Variants in JARID2 observed in about 807,000 individuals in gnomAD.
The protein encoded by JARID2 is jumonji and AT-rich interaction domain containing 2.
A neutral mutation model predicts 125.6 loss-of-function variants in JARID2; 21 were observed. The ratio of observed to expected loss-of-function variants is 0.17; its 90% CI spans 0.12 to 0.24. The LOEUF (loss-of-function observed/expected upper bound fraction) is 0.24. Ranked by LOEUF, JARID2 falls within the 10% of genes least tolerant of loss-of-function variation. The probability of loss-of-function intolerance (pLI) is 1.00; values close to 1 mark genes in which losing one functional copy is unlikely to be tolerated. For synonymous variants in JARID2, 736 were observed against 661.6 expected, an observed-to-expected ratio of 1.11 and a Z score of -1.73; for missense variants, 1,303 against 1,639.6, an observed-to-expected ratio of 0.79 and a Z score of 3.55.
At chr6:15,417,974 G>A (rs957438688) in intron 3 of JARID2, among the ~76,000 whole-genome samples, 3 of 152,110 alleles carry the variant, frequency 2.0e-5, no homozygotes, top group Admixed American at 6.6e-5. Flanking sequence ...GTAGGCAGAT[G>A]GAAATGTATG....
At chr6:15,321,832 G>A (rs918282181) in intron 1 of JARID2, among the ~76,000 whole-genome samples, 14 of 108,322 alleles carry the variant, frequency 1.3e-4, no homozygotes, top group Admixed American at 5.8e-4. Flanking sequence ...TCACTTTGTC[G>A]CCCAGGTTGG....
intron 1 of JARID2, chr6:15,369,439 A>G: frequency 3.2e-6 from 1 of 313,596 alleles, no homozygotes; most frequent in Non-Finnish European, 6.7e-6. Flanking sequence ...TCTCCTCTAA[A>G]GGGCGTATTC....
At chr6:15,381,334 C>G (rs1764577379) in intron 2 of JARID2, among the ~76,000 whole-genome samples, 1 of 122,456 alleles carries the variant, frequency 8.2e-6, no homozygotes, top group South Asian at 2.9e-4. Context: ...GAGGGAGACT[C>G]CTGTCTCAAA....
At chr6:15,282,632 T>G (rs1262677493) in intron 1 of JARID2, among the ~76,000 whole-genome samples, 1 of 152,044 alleles carries the variant, frequency 6.6e-6, no homozygotes, top group Admixed American at 6.6e-5. Context: ...TTTCCTCAGT[T>G]TCGCTCTTGT....
At chr6:15,310,435 A>G (rs868772336) in intron 1 of JARID2, among the ~76,000 whole-genome samples, 8 of 152,228 alleles carry the variant, frequency 5.3e-5, no homozygotes, top group African/African-American at 1.7e-4. Context: ...TACTCCAACC[A>G]TAACAGAAAT....
At chr6:15,476,631 T>C (rs1024415974) in intron 5 of JARID2, among the ~76,000 whole-genome samples, 2 of 152,216 alleles carry the variant, frequency 1.3e-5, no homozygotes, top group Non-Finnish European at 2.9e-5. Flanking sequence ...CACATGAGCT[T>C]TTAACCTTGG....
intron 16 of JARID2, among the ~76,000 whole-genome samples, chr6:15,514,196 G>A (rs570761391): frequency 6.6e-6 from 1 of 152,228 alleles, no homozygotes; most frequent in Non-Finnish European, 1.5e-5. Flanking sequence ...GCTTCTTCCA[G>A]TCTCCCCTTG....
At chr6:15,466,039 G>A (rs1768715590) in intron 4 of JARID2, among the ~76,000 whole-genome samples, 1 of 152,136 alleles carries the variant, frequency 6.6e-6, no homozygotes, top group Non-Finnish European at 1.5e-5. Flanking sequence ...CCTGACCTCA[G>A]GTGCACCACC....
At chr6:15,338,630 A>G (rs2127465195) in intron 1 of JARID2, among the ~76,000 whole-genome samples, 1 of 152,208 alleles carries the variant, frequency 6.6e-6, no homozygotes, top group East Asian at 1.9e-4. Context: ...CCAGGAAAGT[A>G]AAGAGGCACT....
intron 8 of JARID2, among the ~76,000 whole-genome samples, chr6:15,503,504 T>C (rs970285637): frequency 6.6e-6 from 1 of 152,152 alleles, no homozygotes; most frequent in African/African-American, 2.4e-5. Flanking sequence ...CGGTGTCCAG[T>C]GCTCCGCAGG....
chr6:15,339,826 T>C (rs1431458282), intron 1 of JARID2, among the ~76,000 whole-genome samples: 2 of 152,182 alleles, frequency 1.3e-5, no homozygotes, highest in Admixed American at 1.3e-4. Context: ...TGAGCCACCA[T>C]GCCTGGCCCA....
At chr6:15,450,744 A>G (rs1019726725) in intron 3 of JARID2, among the ~76,000 whole-genome samples, 2 of 152,250 alleles carry the variant, frequency 1.3e-5, no homozygotes, top group Non-Finnish European at 2.9e-5. Flanking sequence ...AGGAGGGACT[A>G]TTAGGCAATT....
chr6:15,403,434 CTAG>C (rs1398298786), intron 2 of JARID2, among the ~76,000 whole-genome samples: 3 of 152,138 alleles, frequency 2.0e-5, no homozygotes, highest in African/African-American at 7.2e-5. Flanking sequence ...GGGGCCCATT[CTAG>C]TAGTAGCAGT....
chr6:15,272,573 A>T (rs1052587404), intron 1 of JARID2, among the ~76,000 whole-genome samples: 1 of 152,154 alleles, frequency 6.6e-6, no homozygotes, highest in South Asian at 2.1e-4. Flanking sequence ...ATTTCCCCCA[A>T]ATTGCAGCTG....
intron 3 of JARID2, among the ~76,000 whole-genome samples, chr6:15,428,131 C>G (rs1433019404): frequency 6.6e-6 from 1 of 151,936 alleles, no homozygotes; most frequent in Non-Finnish European, 1.5e-5. Context: ...TTCATTTCTG[C>G]TTTTGGAAAT....
At position 15,359,785 on chromosome 6, in the gene JARID2, C is replaced by G. The variant is rs550374243; in HGVS notation, c.46-14332C>G. 7.3e-5 allele frequency among the ~76,000 whole-genome samples: 11 copies of G among 151,618 alleles called. No homozygotes were observed. In the South Asian group the frequency reaches 2.1e-3, roughly 29 times the overall value. On this transcript the variant is annotated intron_variant, in intron 1 of 17. Coordinates refer to ENST00000341776, the MANE Select transcript of JARID2 (RefSeq NM_004973.4). Reference sequence around the variant, plus strand: ...TGGCACAATCTCTGCCTCCTGGGTTCGAGCAATTCTCCTGTCTCGGCGTCC... The same window carrying G: ...TGGCACAATCTCTGCCTCCTGGGTTGGAGCAATTCTCCTGTCTCGGCGTCC...
intron 1 of JARID2, among the ~76,000 whole-genome samples, chr6:15,287,000 A>G (rs1243250782): frequency 6.6e-6 from 1 of 152,158 alleles, no homozygotes; most frequent in Admixed American, 6.6e-5. Context: ...CTGTAATCCC[A>G]GCTACTCCGG....
chr6:15,497,736 T>A (rs1770531595), intron 7 of JARID2, among the ~76,000 whole-genome samples: 1 of 151,340 alleles, frequency 6.6e-6, no homozygotes, highest in African/African-American at 2.4e-5. Context: ...GGCTGTCACC[T>A]CCTACCCACA....
At chr6:15,303,884 G>A (rs759173399) in intron 1 of JARID2, among the ~76,000 whole-genome samples, 1 of 152,076 alleles carries the variant, frequency 6.6e-6, no homozygotes, top group Non-Finnish European at 1.5e-5. Context: ...TTTAATAATC[G>A]GTAATCTTGA....
Sources: allele counts gnomAD v4.1 joint callset (sites outside exome capture counted in the v4.1 genomes callset), GRCh38; gene constraint gnomAD v4.1.1; transcripts MANE v1.5; gene names NCBI Gene and HGNC (gene_info 2026-07-23, HGNC 2026-07-21).